The following IGSF21 variants were observed in gnomAD, a reference collection of about 807,000 sequenced individuals.
The protein encoded by IGSF21 is immunoglobin superfamily member 21.
Under a neutral mutation model 46.8 loss-of-function variants are expected in IGSF21, and 28 were observed. The observed-to-expected ratio is 0.60, with a 90% CI of 0.44 to 0.82. IGSF21 has a LOEUF of 0.82. Among genes scored for constraint, IGSF21 ranks in the 40% least tolerant of loss-of-function variants. The probability of loss-of-function intolerance (pLI) is 0.00; values close to 1 mark genes in which losing one functional copy is unlikely to be tolerated. For synonymous variants in IGSF21, 284 were observed against 273.6 expected (o/e 1.04, Z -0.38); for missense variants, 624 against 665.5 (o/e 0.94, Z 0.69).
chr1:18,376,507 C>A, intron 7 of IGSF21, 112 bp downstream of exon 7: 1 of 848,916 alleles, frequency 1.2e-6, no homozygotes, highest in Non-Finnish European at 2.0e-6. Context: ...TCCCCAGCCA[C>A]ATCCAGTGGG....
intron 1 of IGSF21, among the ~76,000 whole-genome samples, chr1:18,203,853 G>T (rs575677136): frequency 6.6e-6 from 1 of 152,194 alleles, no homozygotes; most frequent in Non-Finnish European, 1.5e-5. Flanking sequence ...GGGCAAAATC[G>T]AAACTGTTAT....
chr1:18,145,704 C>T (rs1054580271), intron 1 of IGSF21, among the ~76,000 whole-genome samples: 1 of 152,148 alleles, frequency 6.6e-6, no homozygotes, highest in Non-Finnish European at 1.5e-5. Flanking sequence ...AAATGCCATC[C>T]CTCATGTCGG....
rs747603862 is a variant in IGSF21, at chr1:18,377,376, C to T, written c.1295-17C>T. 3 of 1,611,796 alleles carry T rather than the reference C, an allele frequency of 1.9e-6. No individual in the cohort carries two copies. In the East Asian group the frequency reaches 6.7e-5, roughly 36 times the overall value. On this transcript the variant is annotated splice_polypyrimidine_tract_variant and intron_variant, in intron 8 of 9. Coordinates refer to ENST00000251296, the MANE Select transcript of IGSF21 (RefSeq NM_032880.5). ...GGCCATCCACCCTTTGGTTCTCTTT[C>T]TGTTTCTTTCCAACAGAAAACCCAA...
chr1:18,268,861 G>A (rs1269684685), intron 2 of IGSF21, among the ~76,000 whole-genome samples: 4 of 152,104 alleles, frequency 2.6e-5, no homozygotes, highest in Non-Finnish European at 4.4e-5. Flanking sequence ...CCAAAAGCAG[G>A]AATCCCTCAT....
chr1:18,191,554 G>A (rs1358340608), intron 1 of IGSF21, among the ~76,000 whole-genome samples: 1 of 152,066 alleles, frequency 6.6e-6, no homozygotes, highest in Non-Finnish European at 1.5e-5. Flanking sequence ...GATCCATACG[G>A]TCTGCTGGGC....
chr1:18,153,105 T>C (rs2124435723), intron 1 of IGSF21, among the ~76,000 whole-genome samples: 1 of 152,276 alleles, frequency 6.6e-6, no homozygotes, highest in Non-Finnish European at 1.5e-5. Context: ...GGCACTCAGA[T>C]TCTGCCCAGC....
At chr1:18,186,599 C>T (rs542878187) in intron 1 of IGSF21, among the ~76,000 whole-genome samples, 10 of 152,284 alleles carry the variant, frequency 6.6e-5, no homozygotes, top group South Asian at 6.2e-4. Context: ...TTTTAGAATC[C>T]ACTCTCCAAG....
At chr1:18,321,852 ACT>A (rs577868663) in intron 3 of IGSF21, among the ~76,000 whole-genome samples, 65 of 152,160 alleles carry the variant, frequency 4.3e-4, no homozygotes, top group African/African-American at 1.4e-3. Context: ...CAGCTTTGAC[ACT>A]CTCTGGTTGA....
chr1:18,175,398 G>T (rs1382353984), intron 1 of IGSF21, among the ~76,000 whole-genome samples: 1 of 152,176 alleles, frequency 6.6e-6, no homozygotes, highest in Admixed American at 6.5e-5. Context: ...GGAGTGAACT[G>T]CAGAGTTAGC....
chr1:18,362,632 C>T (rs1033230840), intron 5 of IGSF21, among the ~76,000 whole-genome samples: 6 of 152,162 alleles, frequency 3.9e-5, no homozygotes, highest in African/African-American at 1.2e-4. Flanking sequence ...GTCTCAAGTC[C>T]GTGTCTCAAG....
At chr1:18,175,339 A>G (rs1231022666) in intron 1 of IGSF21, among the ~76,000 whole-genome samples, 2 of 152,226 alleles carry the variant, frequency 1.3e-5, no homozygotes, top group African/African-American at 4.8e-5. Flanking sequence ...CTAAGGTTGA[A>G]GGAGGTGATT....
At chr1:18,171,461 A>T (rs1363238204) in intron 1 of IGSF21, among the ~76,000 whole-genome samples, 1 of 152,138 alleles carries the variant, frequency 6.6e-6, no homozygotes. Flanking sequence ...AGGTAAGGAA[A>T]TAGTCATGCT....
At chr1:18,363,837 A>G (rs1366826027) in intron 5 of IGSF21, among the ~76,000 whole-genome samples, 1 of 151,880 alleles carries the variant, frequency 6.6e-6, no homozygotes, top group Non-Finnish European at 1.5e-5. Context: ...AGGGGCACAG[A>G]GACACAGGTG....
At chr1:18,169,261 G>A (rs569099861) in intron 1 of IGSF21, among the ~76,000 whole-genome samples, 8 of 152,342 alleles carry the variant, frequency 5.3e-5, no homozygotes, top group African/African-American at 1.4e-4. Flanking sequence ...TAGCTTTGGC[G>A]AGCGGGATCC....
chr1:18,205,825 G>T (rs186405358), intron 1 of IGSF21, among the ~76,000 whole-genome samples: 1 of 152,300 alleles, frequency 6.6e-6, no homozygotes, highest in African/African-American at 2.4e-5. Flanking sequence ...CTACCTACGG[G>T]GTTCTTTTAA....
At chr1:18,330,737 A>T (rs2085704701) in intron 3 of IGSF21, among the ~76,000 whole-genome samples, 1 of 152,200 alleles carries the variant, frequency 6.6e-6, no homozygotes, top group African/African-American at 2.4e-5. Flanking sequence ...GGCCAAGATG[A>T]TGATTCTTAT....
At chr1:18,178,609 T>C (rs1052951920) in intron 1 of IGSF21, among the ~76,000 whole-genome samples, 1 of 152,238 alleles carries the variant, frequency 6.6e-6, no homozygotes, top group Non-Finnish European at 1.5e-5. Context: ...ATTGTTATTA[T>C]TCTACGAGCA....
chr1:18,148,804 TAAG>T (rs1408532771), intron 1 of IGSF21, among the ~76,000 whole-genome samples: 3 of 152,078 alleles, frequency 2.0e-5, no homozygotes, highest in Non-Finnish European at 4.4e-5. Context: ...GAAATAAAAA[TAAG>T]AAGTGGAAAA....
At chr1:18,283,675 C>A (rs981657553) in intron 2 of IGSF21, among the ~76,000 whole-genome samples, 2 of 152,128 alleles carry the variant, frequency 1.3e-5, no homozygotes, top group African/African-American at 2.4e-5. Flanking sequence ...CCCTCAACAC[C>A]CCTGCCCTGG....
Sources: allele counts gnomAD v4.1 joint callset (sites outside exome capture counted in the v4.1 genomes callset), GRCh38; gene constraint gnomAD v4.1.1; transcripts MANE v1.5; gene names NCBI Gene and HGNC (gene_info 2026-07-23, HGNC 2026-07-21).